The following NFASC variants were observed in gnomAD, a reference collection of about 807,000 sequenced individuals.
NFASC encodes the protein neurofascin, also known as neurofascin homolog.
Under a neutral mutation model 147.5 loss-of-function variants are expected in NFASC, and 43 were observed. The ratio of observed to expected loss-of-function variants is 0.29; its 90% CI spans 0.23 to 0.38. NFASC has a LOEUF of 0.38. NFASC is among the 10% of genes least tolerant of loss of function. NFASC has a pLI of 1.00. For missense variants in NFASC, 1,320 were observed against 1,689.0 expected, an observed-to-expected ratio of 0.78 and a Z score of 3.83; for synonymous variants, 622 against 665.5, an observed-to-expected ratio of 0.93 and a Z score of 1.01.
Position 204,954,518 on chromosome 1 carries a change from C to T in NFASC, c.412+134C>T. The T allele has an allele frequency of 1.3e-6, 1 of 798,308 alleles. No individual in the cohort carries two copies. 49.5% of individuals were successfully genotyped at this position (798,308 alleles called of 1,614,324 possible). Reference sequence around the variant, plus strand: ...CCTTGGTGTTCTCTATGCATCTTCCCCACCTCAGAATGATTCCCTGGAAAG... The same window carrying T: ...CCTTGGTGTTCTCTATGCATCTTCCTCACCTCAGAATGATTCCCTGGAAAG... On this transcript the variant is annotated intron_variant, in intron 6 of 29. Coordinates refer to ENST00000339876, the MANE Select transcript of NFASC (RefSeq NM_001005388.3). The surrounding 1 kb of genome is among the most constrained non-coding windows in gnomAD (Gnocchi z 5.7).
chr1:204,974,360 C>T, intron 13 of NFASC, 70 bp downstream of exon 13: 1 of 1,224,938 alleles, frequency 8.2e-7, no homozygotes, highest in African/African-American at 1.5e-5. Context: ...CCATCTGGCC[C>T]ATAGTAGGTG....
At chr1:204,928,146 G>T (rs138245659) in intron 2 of NFASC, among the ~76,000 whole-genome samples, 1 of 152,156 alleles carries the variant, frequency 6.6e-6, no homozygotes, top group African/African-American at 2.4e-5. Flanking sequence ...GACTAGTAGG[G>T]CCTGAATACA....
chr1:204,908,351 T>C (rs1285255519), intron 1 of NFASC, among the ~76,000 whole-genome samples: 1 of 152,174 alleles, frequency 6.6e-6, no homozygotes, highest in African/African-American at 2.4e-5. Flanking sequence ...TTTTTTTTCC[T>C]AATTTGTTTA....
At chr1:204,830,285 G>T (rs140049715) in intron 1 of NFASC, among the ~76,000 whole-genome samples, 1 of 152,294 alleles carries the variant, frequency 6.6e-6, no homozygotes, top group African/African-American at 2.4e-5. Flanking sequence ...AGAGCCCACA[G>T]AACTTAAAGC....
chr1:204,863,033 T>A (rs2076797882), intron 1 of NFASC, among the ~76,000 whole-genome samples: 1 of 152,126 alleles, frequency 6.6e-6, no homozygotes, highest in Non-Finnish European at 1.5e-5. Context: ...CAGCACAGAA[T>A]GGGGTAGAAG....
In NFASC at chr1:205,002,686, G is replaced by C. The variant is rs755510601; in HGVS notation, c.3227G>C (p.Arg1076Pro). Residue 1076 changes from arginine (R) to proline (P), a missense_variant, in exon 27 of 30, where the codon CGG (arginine) becomes CCG (proline). Physicochemically the swap from Arg to Pro is moderately radical, Grantham distance 103. This residue lies in a region of NFASC where 167 missense variants were observed against 233.8 expected (regional missense o/e 0.71). Transcript: ENST00000339876. ...DLYPGMTYTL[R>P]VYSRDNEGIS... ...TATCCCGGGATGACATACACGTTGC[G>C]GGTTTATTCCCGGGACAACGAGGGC... 6.3e-7 allele frequency: 1 copy of C among 1,584,072 alleles called. No individual in the cohort carries two copies. Among genetic ancestry groups the C allele is most frequent in the African/African-American group, 1.3e-5 (1 of 74,390 alleles).
rs759767614 is a variant in NFASC at position 205,002,796 on chromosome 1, C to T, written c.3289+48C>T. 5 of 1,339,850 alleles carry T rather than the reference C, an allele frequency of 3.7e-6. No homozygotes were observed. In the South Asian group the frequency reaches 8.0e-5, roughly 21 times the overall value. The allele number at this position is 1,339,850 out of a possible 1,614,324, so 83.0% of individuals were successfully genotyped here. A position where few individuals can be genotyped will look rare whatever the true frequency, so the allele number is the denominator to read the frequency against. On this transcript the variant is annotated intron_variant, in intron 27 of 29. Transcript: ENST00000339876. ...CATCCCCTGCAAGCATGGGGCATTTCATTCTCATCCTCAGCTTCCTGCTTG... is the reference window on the plus strand; with the variant it reads ...CATCCCCTGCAAGCATGGGGCATTTTATTCTCATCCTCAGCTTCCTGCTTG...
chr1:204,965,088 G>C (rs1237502004), intron 8 of NFASC, among the ~76,000 whole-genome samples: 2 of 152,198 alleles, frequency 1.3e-5, no homozygotes, highest in African/African-American at 2.4e-5. Flanking sequence ...GGCGAGGGAA[G>C]CTCTTCCTGA....
intron 1 of NFASC, among the ~76,000 whole-genome samples, chr1:204,893,780 C>G (rs947265368): frequency 6.6e-6 from 1 of 152,212 alleles, no homozygotes; most frequent in Non-Finnish European, 1.5e-5. Flanking sequence ...AGCTTCTCCC[C>G]CTTTGCCTCT....
intron 1 of NFASC, among the ~76,000 whole-genome samples, chr1:204,917,388 G>A (rs1022915126): frequency 5.3e-5 from 8 of 152,138 alleles, no homozygotes; most frequent in East Asian, 3.8e-4. Flanking sequence ...TTTTATGGAA[G>A]AGGAGAGAAT....
chr1:204,958,551 C>T (rs915961909), intron 8 of NFASC, among the ~76,000 whole-genome samples: 4 of 152,108 alleles, frequency 2.6e-5, no homozygotes, highest in Non-Finnish European at 4.4e-5. Context: ...TTGGCAAGGA[C>T]GAGGCAGCCT....
rs1280512631 is a variant in NFASC at position 204,981,890 on chromosome 1, A to G, written c.2340A>G (p.Thr780=). ...RETREAWNNV[T]VWGSRYVVGQ... Reference sequence around the variant, plus strand: ...CTCGAGAGGCCTGGAACAACGTCACAGTGTGGGGCTCTCGCTACGTGGTGG... The same window carrying G: ...CTCGAGAGGCCTGGAACAACGTCACGGTGTGGGGCTCTCGCTACGTGGTGG... The change falls in exon 21 of 30, where the codon ACA becomes ACG. Residue 780 remains threonine (T), a synonymous_variant. Coordinates refer to ENST00000339876, the MANE Select transcript of NFASC (RefSeq NM_001005388.3). 2 of 1,607,626 alleles carry G rather than the reference A, an allele frequency of 1.2e-6. No homozygotes were observed. Among genetic ancestry groups the G allele is most frequent in the Admixed American group, 3.4e-5 (2 of 58,974 alleles).
chr1:205,004,047 G>A (rs1044717540), intron 27 of NFASC, among the ~76,000 whole-genome samples: 13 of 152,256 alleles, frequency 8.5e-5, no homozygotes, highest in Admixed American at 7.8e-4. Context: ...ACAGTGGACT[G>A]AGCAGAGCAA....
In NFASC at chr1:204,988,617, A is replaced by G; in HGVS notation, c.2594-16A>G. ...ATGTTGCTAAAGTTTAATTCCACTT[A>G]CCTCTCTCTCCCCAGTTAACGGGAC... On this transcript the variant is annotated splice_polypyrimidine_tract_variant and intron_variant, in intron 22 of 29. Transcript: ENST00000339876. 3 of 1,611,910 alleles carry G rather than the reference A, an allele frequency of 1.9e-6. No homozygotes were observed. Among genetic ancestry groups the G allele is most frequent in the African/African-American group, 1.3e-5 (1 of 74,972 alleles).
At chr1:204,842,511 A>G (rs763871088) in intron 1 of NFASC, among the ~76,000 whole-genome samples, 2 of 152,062 alleles carry the variant, frequency 1.3e-5, no homozygotes, top group Admixed American at 6.5e-5. Context: ...TTGAGTGTAC[A>G]TGGTCAGTAT....
At position 204,828,739 on chromosome 1, in the gene NFASC, GA is replaced by G. The variant is rs1671314922; in HGVS notation, c.-242del. 1.0e-6 allele frequency: 1 copy of G among 985,832 alleles called. No individual in the cohort carries two copies. Among genetic ancestry groups the G allele is most frequent in the African/African-American group, 1.7e-5 (1 of 57,222 alleles). The allele number at this position is 985,832 out of a possible 1,614,324, so 61.1% of individuals were successfully genotyped here. A position where few individuals can be genotyped will look rare whatever the true frequency, so the allele number is the denominator to read the frequency against. On this transcript the variant is annotated 5_prime_UTR_variant, in exon 1 of 30. The change creates a premature stop within an existing upstream ORF in the 5' untranslated region. Transcript: ENST00000339876. The stretch of plus-strand genomic sequence containing the variant: ...GGGGGAAGTGGCGGCGCCGGCAGCG[GA>G]CAGCTCGGACAGCGCCCAGGGCCGG...
intron 1 of NFASC, among the ~76,000 whole-genome samples, chr1:204,904,072 T>G (rs1487786553): frequency 6.6e-6 from 1 of 152,126 alleles, no homozygotes; most frequent in East Asian, 1.9e-4. Context: ...GGCTTCAGAT[T>G]TCTTCTTCTT....
chr1:204,976,220 C>T (rs1471895105), intron 15 of NFASC, among the ~76,000 whole-genome samples: 1 of 152,138 alleles, frequency 6.6e-6, no homozygotes, highest in Non-Finnish European at 1.5e-5. Context: ...CTATAGGAGA[C>T]AGTTCCCAGG....
intron 1 of NFASC, among the ~76,000 whole-genome samples, chr1:204,862,725 C>G (rs1442634038): frequency 6.6e-6 from 1 of 152,146 alleles, no homozygotes; most frequent in Non-Finnish European, 1.5e-5. Flanking sequence ...GGTAGTCTGG[C>G]TAGGAAGGGG....
Sources: allele counts gnomAD v4.1 joint callset (sites outside exome capture counted in the v4.1 genomes callset), GRCh38; gene constraint gnomAD v4.1.1; regional missense constraint gnomAD v4.1.1; non-coding constraint Gnocchi (gnomAD v3.1); transcripts MANE v1.5; gene names NCBI Gene and HGNC (gene_info 2026-07-23, HGNC 2026-07-21).